The following SIK2 variants were observed in gnomAD, a reference collection of about 807,000 sequenced individuals.
SIK2 encodes serine/threonine-protein kinase SIK2.
SIK2 carries 29 observed loss-of-function variants against 103.2 expected under a neutral mutation model. That is an observed-to-expected ratio of 0.28 (90% CI 0.21 to 0.38). The LOEUF is 0.38. Among genes scored for constraint, SIK2 ranks in the 10% least tolerant of loss-of-function variants. SIK2 has a pLI of 1.00. For missense variants in SIK2, 879 were observed against 1,171.0 expected (o/e 0.75, Z 3.64); for synonymous variants, 412 against 446.1 (o/e 0.92, Z 0.96).
At chr11:111,608,134 A>G (rs1260254514) in intron 1 of SIK2, among the ~76,000 whole-genome samples, 1 of 152,136 alleles carries the variant, frequency 6.6e-6, no homozygotes, top group Non-Finnish European at 1.5e-5. Flanking sequence ...ATTATATAAA[A>G]CTTTCTTTAT....
chr11:111,677,647 T>TCGA (rs1565349157), intron 3 of SIK2, among the ~76,000 whole-genome samples: 1 of 148,838 alleles, frequency 6.7e-6, no homozygotes, highest in Non-Finnish European at 1.5e-5. Context: ...CAGGCTAGTC[T>TCGA]CGAACCCCTG....
chr11:111,617,756 T>C (rs771803417), intron 2 of SIK2, among the ~76,000 whole-genome samples: 21 of 152,148 alleles, frequency 1.4e-4, no homozygotes, highest in Non-Finnish European at 1.5e-5. Flanking sequence ...TATTTTATAA[T>C]GTACATAATA....
Position 111,724,020 on chromosome 11 carries a change from C to A in SIK2, c.2672C>A (p.Ala891Asp), listed in dbSNP as rs760943992. ...DCPRSPGLQE[A>D]PSSYDPLALS... ...CCCAGAAGCCCAGGACTGCAAGAGG[C>A]CCCCTCCAGCTACGACCCACTAGCC... The change falls in exon 15 of 15, where the codon GCC becomes GAC. Residue 891 changes from alanine (A) to aspartate (D), a missense_variant. By Grantham distance (126) the Ala-to-Asp change is moderately radical (BLOSUM62 -2). Transcript: ENST00000304987. The A allele has an allele frequency of 9.9e-6, 16 of 1,614,042 alleles. No homozygotes were observed. The highest frequency in any genetic ancestry group is 1.3e-5 in the Non-Finnish European group (15 of 1,180,030).
At chr11:111,612,190 T>C (rs1271381836) in intron 1 of SIK2, among the ~76,000 whole-genome samples, 1 of 152,182 alleles carries the variant, frequency 6.6e-6, no homozygotes, top group Admixed American at 6.5e-5. Flanking sequence ...CCTTAATTCA[T>C]TAGAGCTTTA....
At chr11:111,652,134 A>G (rs760881851) in intron 3 of SIK2, among the ~76,000 whole-genome samples, 3 of 152,240 alleles carry the variant, frequency 2.0e-5, no homozygotes, top group Non-Finnish European at 4.4e-5. Context: ...AATAAAAAAG[A>G]TAAATATTAC....
Position 111,700,901 on chromosome 11 carries a change from A to G in SIK2, c.494A>G (p.Asn165Ser). Residue 165 changes from asparagine to serine, a missense_variant, in exon 5 of 15, where the codon AAT becomes AGT. Around this residue, in one of 7 missense-constraint regions of SIK2, gnomAD observed 126 missense variants for 245.5 expected, o/e 0.51. Transcript: ENST00000304987. ...NIKIADFGFG[N>S]FFKSGELLAT... Reference sequence around the variant, plus strand: ...ATCCTAATAGATTTCGGTTTTGGAAATTTCTTTAAAAGTGGTGAACTGCTG... The same window carrying G: ...ATCCTAATAGATTTCGGTTTTGGAAGTTTCTTTAAAAGTGGTGAACTGCTG... The G allele has an allele frequency of 6.2e-7, 1 of 1,613,980 alleles. No homozygotes were observed. Among genetic ancestry groups the G allele is most frequent in the Non-Finnish European group, 8.5e-7 (1 of 1,179,896 alleles).
chr11:111,677,796 G>T (rs1942724648), intron 3 of SIK2, among the ~76,000 whole-genome samples: 1 of 152,048 alleles, frequency 6.6e-6, no homozygotes, highest in Admixed American at 6.5e-5. Flanking sequence ...TTATTTCCTT[G>T]TGGTTCCCAC....
At position 111,695,251 on chromosome 11, in the gene SIK2, T is replaced by C. The variant is rs568574781; in HGVS notation, c.479-5635T>C. 2.0e-5 allele frequency among the ~76,000 whole-genome samples: 3 copies of C among 152,320 alleles called. 1 individual carries two copies. In the South Asian group the frequency reaches 6.2e-4, roughly 32 times the overall value. ...TTAGAAACAAGGATAAATTTAACCCTAAAGCCATCTGCTGCTCTGTAGGAG... is the reference window on the plus strand; with the variant it reads ...TTAGAAACAAGGATAAATTTAACCCCAAAGCCATCTGCTGCTCTGTAGGAG... On this transcript the variant is annotated intron_variant, in intron 4 of 14. Transcript: ENST00000304987.
At chr11:111,640,767 C>CT (rs1245968523) in intron 3 of SIK2, among the ~76,000 whole-genome samples, 2 of 101,404 alleles carry the variant, frequency 2.0e-5, no homozygotes, top group Non-Finnish European at 3.5e-5. Flanking sequence ...TGGAGTCTCA[C>CT]TTTGTAGCCC....
intron 3 of SIK2, among the ~76,000 whole-genome samples, chr11:111,621,839 G>A (rs521155): frequency 0.6 from 90,370 of 151,784 alleles, 30,042 homozygotes; most frequent in East Asian, 0.96. Context: ...ACTTGAACTC[G>A]GAGGCGGAGG....
chr11:111,683,864 T>G (rs1346129598), intron 3 of SIK2, among the ~76,000 whole-genome samples: 1 of 152,244 alleles, frequency 6.6e-6, no homozygotes, highest in African/African-American at 2.4e-5. Flanking sequence ...GATGTATGCC[T>G]AAACAAATTT....
In SIK2 at chr11:111,727,414, G is replaced by A. The variant is rs1346733119; in HGVS notation, c.*3285G>A. On this transcript the variant is annotated 3_prime_UTR_variant, in exon 15 of 15. Transcript: ENST00000304987. The stretch of plus-strand genomic sequence containing the variant: ...GTTTAAACCGTATGCTGGAGTCAGT[G>A]GTTGGGACAGACAGGAGCCCAAGAC... 1 of 271,572 alleles carries A rather than the reference G, an allele frequency of 3.7e-6. No homozygotes were observed. The highest frequency in any genetic ancestry group is 7.1e-6 in the Non-Finnish European group (1 of 141,178). 16.8% of individuals were successfully genotyped at this position (271,572 alleles called of 1,614,324 possible).
At chr11:111,696,893 C>A (rs1212721220) in intron 4 of SIK2, among the ~76,000 whole-genome samples, 1 of 152,166 alleles carries the variant, frequency 6.6e-6, no homozygotes, top group Non-Finnish European at 1.5e-5. Flanking sequence ...TCATTCCCCC[C>A]CTACTCACCT....
rs1289485546 is a variant in SIK2 at position 111,724,109 on chromosome 11, G to A, written c.2761G>A (p.Gly921Arg). ...AGACGCTGTGGATCCACAACACAAC[G>A]GGTATGTCCTGGTGAATTAGTCTCA... ...MLDAVDPQHN[G>R]YVLVN The change falls in exon 15 of 15, where the codon GGG becomes AGG. Residue 921 changes from glycine to arginine, a missense_variant. Coordinates refer to ENST00000304987, the MANE Select transcript of SIK2 (RefSeq NM_015191.3). 21 of 1,611,344 alleles carry A rather than the reference G, an allele frequency of 1.3e-5. No homozygotes were observed. The highest frequency in any genetic ancestry group is 1.7e-5 in the Non-Finnish European group (20 of 1,179,670).
chr11:111,714,302 AGATG>A (rs1943579619), intron 9 of SIK2, among the ~76,000 whole-genome samples: 1 of 152,222 alleles, frequency 6.6e-6, no homozygotes, highest in South Asian at 2.1e-4. Context: ...CAAGAAATTT[AGATG>A]TTTTCCCTAA....
chr11:111,649,347 T>C (rs539348985), intron 3 of SIK2, among the ~76,000 whole-genome samples: 1 of 152,292 alleles, frequency 6.6e-6, no homozygotes, highest in East Asian at 1.9e-4. Context: ...TAAATTATTT[T>C]CTCTGAATCA....
chr11:111,660,839 C>CTTTTTTTTTTTTTTTTTTTTTTTTTTTTT (rs57174726), intron 3 of SIK2, among the ~76,000 whole-genome samples: 1 of 90,418 alleles, frequency 1.1e-5, no homozygotes. Context: ...GTGAAGTTGG[C>CTTTTTTTTTTTTTTTTTTTTTTTTTTTTT]TTTTTTTTTT....
rs777584253 is a variant in SIK2 at position 111,721,053 on chromosome 11, C to T, written c.1935C>T (p.Ser645=). The change falls in exon 12 of 15, where the codon AGC becomes AGT. Residue 645 remains serine (S), a synonymous_variant. Transcript: ENST00000304987. ...CTCAGCTCCAGGACCTTGCTAGCAG[C>T]TGCCCTCAGGTGGGTACCTTGGGCC... ...AAPQLQDLAS[S]CPQEEVSQQQ... The T allele has an allele frequency of 2.5e-6, 4 of 1,613,174 alleles. No homozygotes were observed. The African/African-American group carries it at 5.3e-5, about 22-fold the overall frequency.
intron 4 of SIK2, among the ~76,000 whole-genome samples, chr11:111,695,563 CCT>C (rs1943052786): frequency 6.6e-6 from 1 of 152,160 alleles, no homozygotes; most frequent in South Asian, 2.1e-4. Flanking sequence ...TTTTTCACCG[CCT>C]CTGTTTTATT....
Sources: gnomAD v4.1 joint callset for allele counts (sites outside exome capture counted in the v4.1 genomes callset) on GRCh38, gnomAD v4.1.1 for gene constraint, gnomAD v4.1.1 regional missense constraint, MANE v1.5 for transcripts, NCBI Gene and HGNC (gene_info 2026-07-23, HGNC 2026-07-21) for gene names.